PLCB1: variants seen among roughly 807,000 people sequenced by gnomAD.
The protein encoded by PLCB1 is 1-phosphatidylinositol 4,5-bisphosphate phosphodiesterase beta-1.
Under a neutral mutation model 161.8 loss-of-function variants are expected in PLCB1, and 46 were observed. That is an observed-to-expected ratio of 0.28 (90% CI 0.22 to 0.36). The LOEUF is 0.36. PLCB1 is among the 10% of genes least tolerant of loss of function. The pLI, the probability that PLCB1 is intolerant of heterozygous loss-of-function variation, is 1.00. For missense variants in PLCB1, 1,016 were observed against 1,472.5 expected (o/e 0.69, Z 5.07); for synonymous variants, 517 against 503.7 (o/e 1.03, Z -0.35).
chr20:8,340,474 G>C (rs1985759575), intron 2 of PLCB1, among the ~76,000 whole-genome samples: 1 of 152,060 alleles, frequency 6.6e-6, no homozygotes, highest in Non-Finnish European at 1.5e-5. Context: ...CCAGGCTGGA[G>C]TGCAGTGGCG....
intron 7 of PLCB1, 115 bp from the exon 8 acceptor site, chr20:8,657,069 T>A: frequency 6.0e-6 from 4 of 666,108 alleles, no homozygotes; most frequent in South Asian, 1.7e-5. Context: ...AGGGAGAAGG[T>A]GAGGGAAGGG....
intron 31 of PLCB1, among the ~76,000 whole-genome samples, chr20:8,842,707 G>T (rs528693821): frequency 4.1e-4 from 63 of 152,276 alleles, no homozygotes; most frequent in African/African-American, 1.4e-3. Context: ...GATTGATTGA[G>T]CAAGCAGGCG....
chr20:8,846,680 G>T (rs909195709), intron 31 of PLCB1, among the ~76,000 whole-genome samples: 1 of 152,132 alleles, frequency 6.6e-6, no homozygotes, highest in Non-Finnish European at 1.5e-5. Flanking sequence ...CCCCTGGCTT[G>T]TATCATATTG....
intron 9 of PLCB1, among the ~76,000 whole-genome samples, chr20:8,673,107 A>G (rs1056157485): frequency 1.4e-5 from 2 of 142,644 alleles, no homozygotes; most frequent in African/African-American, 5.4e-5. Context: ...GCCAGAGTCC[A>G]TCCCAAAAAT....
At chr20:8,789,437 C>G in intron 29 of PLCB1, 81 bp from the exon 30 acceptor site, 1 of 885,572 alleles carries the variant, frequency 1.1e-6, no homozygotes, top group Non-Finnish European at 1.9e-6. Flanking sequence ...AGTTCTGTAA[C>G]CTTTTATCTA....
chr20:8,850,967 C>T (rs566901414), intron 31 of PLCB1, among the ~76,000 whole-genome samples: 3 of 152,292 alleles, frequency 2.0e-5, no homozygotes, highest in Non-Finnish European at 4.4e-5. Context: ...CTGAATAATC[C>T]ACAAACATGG....
chr20:8,638,988 C>CTTT (rs76550950), intron 4 of PLCB1, among the ~76,000 whole-genome samples: 32,801 of 151,500 alleles, frequency 0.22, 3,760 homozygotes, highest in Admixed American at 0.32. Context: ...TTCTTTTTTT[C>CTTT]TCATGTAGCC....
intron 31 of PLCB1, chr20:8,802,023 C>A: frequency 1.6e-6 from 2 of 1,265,776 alleles, no homozygotes; most frequent in Non-Finnish European, 2.3e-6. Context: ...TTCATTGCCA[C>A]AAAAATGACA....
chr20:8,584,242 T>A (rs1223053502), intron 3 of PLCB1, among the ~76,000 whole-genome samples: 1 of 152,140 alleles, frequency 6.6e-6, no homozygotes, highest in Non-Finnish European at 1.5e-5. Flanking sequence ...AAACAGCCAC[T>A]GATACCAAGG....
intron 3 of PLCB1, among the ~76,000 whole-genome samples, chr20:8,526,462 C>T (rs1984589922): frequency 6.6e-6 from 1 of 152,056 alleles, no homozygotes; most frequent in Non-Finnish European, 1.5e-5. Context: ...TTAATGCCTT[C>T]TTCTCATTTG....
chr20:8,519,963 C>T (rs1984284380), intron 3 of PLCB1, among the ~76,000 whole-genome samples: 1 of 152,114 alleles, frequency 6.6e-6, no homozygotes, highest in Admixed American at 6.5e-5. Context: ...CTGACTCAGG[C>T]TACTTAATGT....
intron 2 of PLCB1, among the ~76,000 whole-genome samples, chr20:8,323,483 G>A (rs146235077): frequency 1.6e-3 from 236 of 152,162 alleles, no homozygotes; most frequent in African/African-American, 5.2e-3. Flanking sequence ...TCTTGTCTAG[G>A]GAGACCCAAA....
chr20:8,550,127 C>T (rs1052235452), intron 3 of PLCB1, among the ~76,000 whole-genome samples: 5 of 152,124 alleles, frequency 3.3e-5, no homozygotes, highest in African/African-American at 9.7e-5. Flanking sequence ...CAGGCTCATA[C>T]GTGGAAGGGA....
At chr20:8,587,099 G>A (rs942149662) in intron 3 of PLCB1, among the ~76,000 whole-genome samples, 1 of 152,050 alleles carries the variant, frequency 6.6e-6, no homozygotes, top group Admixed American at 6.6e-5. Context: ...TTAGGTTTGT[G>A]TAATTGTGCC....
chr20:8,279,752 A>C (rs891790689), intron 2 of PLCB1, among the ~76,000 whole-genome samples: 4 of 152,258 alleles, frequency 2.6e-5, no homozygotes, highest in Admixed American at 6.5e-5. Flanking sequence ...AGTCATATAC[A>C]AAATAATACA....
intron 3 of PLCB1, among the ~76,000 whole-genome samples, chr20:8,533,105 C>T (rs1396381879): frequency 6.7e-6 from 1 of 149,788 alleles, no homozygotes; most frequent in Non-Finnish European, 1.5e-5. Flanking sequence ...TGAGTGAGAA[C>T]ATGCGGTGTT....
At chr20:8,745,258 G>A (rs1981111298) in intron 23 of PLCB1, among the ~76,000 whole-genome samples, 1 of 152,060 alleles carries the variant, frequency 6.6e-6, no homozygotes, top group Non-Finnish European at 1.5e-5. Flanking sequence ...TTCTTGTCTT[G>A]GAATAATGTA....
At chr20:8,634,881 CT>C (rs1427572730) in intron 4 of PLCB1, among the ~76,000 whole-genome samples, 1 of 152,198 alleles carries the variant, frequency 6.6e-6, no homozygotes, top group East Asian at 1.9e-4. Context: ...CTCCTAACTA[CT>C]TGTGATTCTT....
chr20:8,196,955 G>T (rs1159555547), intron 2 of PLCB1, among the ~76,000 whole-genome samples: 2 of 151,972 alleles, frequency 1.3e-5, no homozygotes, highest in Admixed American at 6.6e-5. Context: ...TGCTGAGAAT[G>T]ATGGTTTCCA....
Sources: gnomAD v4.1 joint callset for allele counts (sites outside exome capture counted in the v4.1 genomes callset) on GRCh38, gnomAD v4.1.1 for gene constraint, MANE v1.5 for transcripts, NCBI Gene and HGNC (gene_info 2026-07-23, HGNC 2026-07-21) for gene names.